CREB3L1: variants seen among roughly 807,000 people sequenced by gnomAD.
CREB3L1 encodes cAMP responsive element binding protein 3 like 1.
CREB3L1 carries 33 observed loss-of-function variants against 54.5 expected under a neutral mutation model. The observed-to-expected ratio is 0.61, with a 90% CI of 0.46 to 0.81. The LOEUF (loss-of-function observed/expected upper bound fraction) is 0.81. CREB3L1 is among the 30% of genes least tolerant of loss of function. The pLI is 0.00. For synonymous variants in CREB3L1, 284 were observed against 286.4 expected (o/e 0.99, Z 0.08); for missense variants, 656 against 673.3 (o/e 0.97, Z 0.29).
At chr11:46,302,496 A>G (rs2136347361) in intron 2 of CREB3L1, among the ~76,000 whole-genome samples, 1 of 152,186 alleles carries the variant, frequency 6.6e-6, no homozygotes, top group South Asian at 2.1e-4. Flanking sequence ...GCTTTTGGCT[A>G]CGTGATCACA....
intron 1 of CREB3L1, among the ~76,000 whole-genome samples, chr11:46,287,074 C>T (rs377321831): frequency 6.6e-5 from 10 of 152,160 alleles, no homozygotes; most frequent in East Asian, 5.8e-4. Context: ...TTGCCTGAGG[C>T]GGGACGTCTT....
intron 1 of CREB3L1, among the ~76,000 whole-genome samples, chr11:46,283,556 A>C (rs1939010333): frequency 6.6e-6 from 1 of 152,140 alleles, no homozygotes; most frequent in African/African-American, 2.4e-5. Context: ...GACTGGGGCA[A>C]TCCTTGTAAG....
In CREB3L1 at chr11:46,312,311, C is replaced by G. The variant is rs1189115815; in HGVS notation, c.754-14C>G. The stretch of plus-strand genomic sequence containing the variant: ...GCTGCCTGGCTCCTAACTACCACAT[C>G]ATACTTCCTACAGAAATTACAGGGG... On this transcript the variant is annotated splice_polypyrimidine_tract_variant and intron_variant, in intron 5 of 11. Transcript: ENST00000621158. 91 of 1,571,908 alleles carry G rather than the reference C, an allele frequency of 5.8e-5. No homozygotes were observed. Among genetic ancestry groups the G allele is most frequent in the Non-Finnish European group, 7.7e-5 (89 of 1,159,530 alleles).
chr11:46,278,180 G>A lies in CREB3L1; in HGVS notation c.69G>A (p.Gly23=), dbSNP rs1236237429. The A allele has an allele frequency of 7.6e-6, 12 of 1,576,242 alleles. No homozygotes were observed. Among genetic ancestry groups the A allele is most frequent in the South Asian group, 2.3e-5 (2 of 85,682 alleles). The part of the protein sequence containing the change: ...LFPGSSFLDL[G]DLNESDFLNN... ...CCGGATCCAGCTTCCTGGACTTGGG[G>A]GATCTGAACGAGTCGGACTTCCTCA... Residue 23 remains glycine, a synonymous_variant, in exon 1 of 12, where the codon GGG becomes GGA. Transcript: ENST00000621158. This position sits in a 1 kb window ranked among gnomAD's most constrained non-coding sequence, Gnocchi z 4.2.
chr11:46,297,238 G>C (rs1254924089), intron 1 of CREB3L1, among the ~76,000 whole-genome samples: 1 of 152,224 alleles, frequency 6.6e-6, no homozygotes, highest in South Asian at 2.1e-4. Flanking sequence ...GTGGTTGGGG[G>C]GTGGTTATAC....
At chr11:46,315,658 A>T (rs914461276) in intron 8 of CREB3L1, 1 of 178,998 alleles carries the variant, frequency 5.6e-6, no homozygotes, top group Non-Finnish European at 1.2e-5. Flanking sequence ...CCCCGTCTCT[A>T]CTAAAAATAC....
At chr11:46,314,249 AAAAG>A (rs1414040998) in intron 8 of CREB3L1, among the ~76,000 whole-genome samples, 2,574 of 151,884 alleles carry the variant, frequency 0.017, 59 homozygotes, top group African/African-American at 0.058. Flanking sequence ...AAAAAAAAAA[AAAAG>A]AAAGAAAAGA....
chr11:46,279,917 G>C (rs1372266946), intron 1 of CREB3L1, among the ~76,000 whole-genome samples: 3 of 152,170 alleles, frequency 2.0e-5, no homozygotes, highest in Admixed American at 2.0e-4. Flanking sequence ...GCTTATCTGG[G>C]CCTTGGTCCA....
At position 46,320,712 on chromosome 11, in the gene CREB3L1, A is replaced by AT; in HGVS notation, c.1527dup (p.Leu510SerfsTer155). The AT allele has an allele frequency of 6.2e-7, 1 of 1,611,852 alleles. No homozygotes were observed. ...GCTGGCCTCTCTTCTCTCTCCAGGGATCTGGGCCCCAACACCACCATCAAA... is the reference window on the plus strand; with the variant it reads ...GCTGGCCTCTCTTCTCTCTCCAGGGATTCTGGGCCCCAACACCACCATCAAA... On this transcript the variant is annotated frameshift_variant, in exon 12 of 12. Coordinates refer to ENST00000621158, the MANE Select transcript of CREB3L1 (RefSeq NM_052854.4). LOFTEE classifies it high-confidence loss of function.
chr11:46,320,656 AG>A (rs1939636753), intron 11 of CREB3L1, 53 bp from the exon 12 acceptor site: 3 of 1,583,002 alleles, frequency 1.9e-6, no homozygotes, highest in Non-Finnish European at 2.6e-6. Flanking sequence ...CAGCTTGCAG[AG>A]GGTAAGAGGG....
chr11:46,307,179 C>T (rs1939409858), intron 2 of CREB3L1, among the ~76,000 whole-genome samples: 1 of 152,112 alleles, frequency 6.6e-6, no homozygotes, highest in South Asian at 2.1e-4. Flanking sequence ...CACCTGGCCG[C>T]TCAAGTGATT....
chr11:46,302,616 T>C (rs909175262), intron 2 of CREB3L1, among the ~76,000 whole-genome samples: 4 of 152,244 alleles, frequency 2.6e-5, no homozygotes, highest in Non-Finnish European at 4.4e-5. Flanking sequence ...ATGTTAATTA[T>C]CACATTTATT....
At chr11:46,304,844 A>C (rs1483734863) in intron 2 of CREB3L1, among the ~76,000 whole-genome samples, 1 of 152,066 alleles carries the variant, frequency 6.6e-6, no homozygotes, top group Non-Finnish European at 1.5e-5. Flanking sequence ...GGCATGAGCC[A>C]CCACACCCAG....
Position 46,299,974 on chromosome 11 carries a change from GAGGACT to G in CREB3L1, c.143_148del (p.Glu48_Phe50delinsVal), listed in dbSNP as rs1339147765. 1.9e-6 allele frequency: 3 copies of G among 1,613,822 alleles called. No individual in the cohort carries two copies. Among genetic ancestry groups the G allele is most frequent in the African/African-American group, 1.3e-5 (1 of 74,896 alleles). ...CCTGGACCACTTTACGGAGAACATG[GAGGACT>G]TCTCCAATGACCTGTTCAGCAGCTT... On this transcript the variant is annotated inframe_deletion, in exon 2 of 12. Transcript: ENST00000621158.
intron 1 of CREB3L1, among the ~76,000 whole-genome samples, chr11:46,294,575 C>T (rs1939175707): frequency 2.0e-5 from 3 of 152,112 alleles, no homozygotes; most frequent in South Asian, 4.1e-4. Flanking sequence ...CAGTTCAGTG[C>T]GTTTTCTCCT....
At chr11:46,293,154 AG>A (rs1939154152) in intron 1 of CREB3L1, among the ~76,000 whole-genome samples, 1 of 152,250 alleles carries the variant, frequency 6.6e-6, no homozygotes, top group Non-Finnish European at 1.5e-5. Context: ...CTTATTCTCC[AG>A]AGGCCCCTGC....
chr11:46,302,121 T>C (rs1250762814), intron 2 of CREB3L1, among the ~76,000 whole-genome samples: 1 of 150,648 alleles, frequency 6.6e-6, no homozygotes, highest in Non-Finnish European at 1.5e-5. Flanking sequence ...TGAGCTGAGA[T>C]TGCGTCACTG....
At position 46,320,796 on chromosome 11, in the gene CREB3L1, G is replaced by C; in HGVS notation, c.*50G>C. ...GACGGACCCCTGGTACCCAGAAGAG[G>C]AGTTCTTGCTCACTAACCCGGATCC... On this transcript the variant is annotated 3_prime_UTR_variant, in exon 12 of 12. Coordinates refer to ENST00000621158, the MANE Select transcript of CREB3L1 (RefSeq NM_052854.4). 10 of 1,592,160 alleles carry C rather than the reference G, an allele frequency of 6.3e-6. No homozygotes were observed. The South Asian group carries it at 1.0e-4, about 16-fold the overall frequency.
chr11:46,280,697 T>C (rs1590335939), intron 1 of CREB3L1, among the ~76,000 whole-genome samples: 1 of 152,292 alleles, frequency 6.6e-6, no homozygotes, highest in African/African-American at 2.4e-5. Flanking sequence ...AGTTGCTGTG[T>C]GAACATAGCA....
Sources: gnomAD v4.1 joint callset for allele counts (sites outside exome capture counted in the v4.1 genomes callset) on GRCh38, gnomAD v4.1.1 for gene constraint, Gnocchi (gnomAD v3.1) non-coding constraint, MANE v1.5 for transcripts, NCBI Gene and HGNC (gene_info 2026-07-23, HGNC 2026-07-21) for gene names.